The following FAM114A2 variants were observed in gnomAD, a reference collection of about 807,000 sequenced individuals.
The protein encoded by FAM114A2 is protein FAM114A2.
In FAM114A2, 53 loss-of-function variants were observed where a neutral mutation model predicts 58.4. That is an observed-to-expected ratio of 0.91 (90% confidence interval 0.73 to 1.14). The LOEUF (loss-of-function observed/expected upper bound fraction) is 1.14, where lower values mean the gene tolerates loss of function less well. FAM114A2 is among the 50% of genes most tolerant of loss of function. FAM114A2 has a pLI of 0.00. For missense variants in FAM114A2, 601 were observed against 581.1 expected, an observed-to-expected ratio of 1.03 and a Z score of -0.35; for synonymous variants, 228 against 211.4, an observed-to-expected ratio of 1.08 and a Z score of -0.68.
At chr5:154,020,703 A>G (rs1771356325) in intron 8 of FAM114A2, among the ~76,000 whole-genome samples, 1 of 152,210 alleles carries the variant, frequency 6.6e-6, no homozygotes, top group Admixed American at 6.5e-5. Context: ...TCACAGCCGA[A>G]TTCTAGCAAA....
intron 9 of FAM114A2, among the ~76,000 whole-genome samples, chr5:154,010,072 C>A (rs1032817839): frequency 1.6e-4 from 25 of 152,180 alleles, no homozygotes; most frequent in African/African-American, 6.0e-4. Context: ...CCTTAGCAGA[C>A]ACATACTGAA....
intron 5 of FAM114A2, among the ~76,000 whole-genome samples, chr5:154,029,052 T>C (rs577971706): frequency 2.2e-4 from 33 of 152,340 alleles, no homozygotes; most frequent in African/African-American, 7.2e-4. Flanking sequence ...AGCAAAGATA[T>C]TTAGCTTCCT....
Position 153,992,965 on chromosome 5 carries a change from G to A in FAM114A2, c.*11C>T, listed in dbSNP as rs1057772. On this transcript the variant is annotated 3_prime_UTR_variant, in exon 14 of 14. Coordinates refer to ENST00000351797, the MANE Select transcript of FAM114A2 (RefSeq NM_018691.4). ...GCCGTCACAAGTCCCAGGTCAAAAC[G>A]TCTCCATTCTTCAATGTTCTAACAA... 1,016,261 of 1,604,530 alleles carry A rather than the reference G, an allele frequency of 0.63. 325,225 individuals carry two copies. The highest frequency in any genetic ancestry group is 0.87 in the East Asian group (38,990 of 44,666).
At chr5:154,017,423 C>G (rs1376472345) in intron 8 of FAM114A2, among the ~76,000 whole-genome samples, 3 of 152,126 alleles carry the variant, frequency 2.0e-5, no homozygotes, top group Non-Finnish European at 2.9e-5. Flanking sequence ...GCCTGGGCAA[C>G]AAGAGCGAAA....
At chr5:153,994,141 A>C (rs1769413647) in intron 13 of FAM114A2, among the ~76,000 whole-genome samples, 1 of 152,228 alleles carries the variant, frequency 6.6e-6, no homozygotes, top group African/African-American at 2.4e-5. Flanking sequence ...AAAACTGTGT[A>C]ATTAAAGAAT....
intron 8 of FAM114A2, among the ~76,000 whole-genome samples, chr5:154,018,289 C>T (rs193293840): frequency 3.9e-5 from 6 of 152,052 alleles, no homozygotes; most frequent in African/African-American, 7.2e-5. Flanking sequence ...CACCTGTATG[C>T]GCATAAACTA....
intron 5 of FAM114A2, among the ~76,000 whole-genome samples, chr5:154,028,530 A>G (rs920507856): frequency 1.3e-5 from 2 of 152,204 alleles, no homozygotes; most frequent in Admixed American, 1.3e-4. Flanking sequence ...ACATCCTAAC[A>G]GAAATAAGTA....
intron 4 of FAM114A2, among the ~76,000 whole-genome samples, chr5:154,033,339 C>T (rs892160471): frequency 6.6e-6 from 1 of 152,156 alleles, no homozygotes; most frequent in Non-Finnish European, 1.5e-5. Flanking sequence ...TCTGTCTGAT[C>T]AAGGCTAGCC....
At chr5:154,034,439 C>A (rs1772409638) in intron 2 of FAM114A2, 62 bp from the exon 3 acceptor site, 1 of 955,908 alleles carries the variant, frequency 1.0e-6, no homozygotes, top group South Asian at 1.6e-5. Context: ...AGAGGAAAAT[C>A]AGAATGTACA....
In FAM114A2 at chr5:154,034,902, T is replaced by C. The variant is rs747435773; in HGVS notation, c.52A>G (p.Ile18Val). 6 of 1,614,036 alleles carry C rather than the reference T, an allele frequency of 3.7e-6. No individual in the cohort carries two copies. Among genetic ancestry groups the C allele is most frequent in the Non-Finnish European group, 5.1e-6 (6 of 1,179,920 alleles). The change falls in exon 2 of 14, where the codon ATC becomes GTC. Residue 18 changes from isoleucine (I) to valine (V), a missense_variant. Physicochemically the swap from Ile to Val is conservative, Grantham distance 29 (BLOSUM62 3). Coordinates refer to ENST00000351797, the MANE Select transcript of FAM114A2 (RefSeq NM_018691.4). ...GGCTCACAGTTTCCATCTTCAAGGA[T>C]GGGGGCTGCTTCAGTTAGCAGTGGA... ...ETPLLTEAAP[I>V]LEDGNCEPAK...
chr5:153,994,711 T>C (rs756238435), intron 13 of FAM114A2: 54 of 513,568 alleles, frequency 1.1e-4, no homozygotes, highest in Non-Finnish European at 1.8e-4. Context: ...CTACTGCTTC[T>C]TCCAGTACCC....
chr5:153,994,894 C>T (rs1769456647), intron 13 of FAM114A2, 25 bp downstream of exon 13: 1 of 1,500,432 alleles, frequency 6.7e-7, no homozygotes, highest in African/African-American at 1.4e-5. Context: ...CCTTTGGAGT[C>T]AGAGACTTAA....
chr5:153,992,920 G>C lies in FAM114A2; in HGVS notation c.*56C>G. ...TCCTTCATTTCTGCAGGAGTAGCCAGAATAAGGTGGCATTCCTTGGCCGTC... is the reference window on the plus strand; with the variant it reads ...TCCTTCATTTCTGCAGGAGTAGCCACAATAAGGTGGCATTCCTTGGCCGTC... On this transcript the variant is annotated 3_prime_UTR_variant, in exon 14 of 14. Transcript: ENST00000351797. The C allele has an allele frequency of 1.9e-6, 3 of 1,547,800 alleles. No homozygotes were observed. Among genetic ancestry groups the C allele is most frequent in the African/African-American group, 2.7e-5 (2 of 73,402 alleles).
chr5:154,017,682 T>C (rs1182580019), intron 8 of FAM114A2, among the ~76,000 whole-genome samples: 2 of 152,168 alleles, frequency 1.3e-5, no homozygotes, highest in Non-Finnish European at 2.9e-5. Context: ...AGACAGACCA[T>C]ATGATAGGCC....
At chr5:154,033,421 A>G (rs1044029263) in intron 4 of FAM114A2, among the ~76,000 whole-genome samples, 2 of 152,214 alleles carry the variant, frequency 1.3e-5, no homozygotes, top group African/African-American at 4.8e-5. Flanking sequence ...ATACATTAAA[A>G]TATTTTTATC....
chr5:153,996,554 T>C (rs1769567162), intron 12 of FAM114A2, among the ~76,000 whole-genome samples: 1 of 135,836 alleles, frequency 7.4e-6, no homozygotes, highest in Non-Finnish European at 1.5e-5. Flanking sequence ...GATAAGAAAC[T>C]TGTACTAGGA....
intron 8 of FAM114A2, among the ~76,000 whole-genome samples, chr5:154,016,695 T>C (rs1771060202): frequency 6.6e-6 from 1 of 151,268 alleles, no homozygotes; most frequent in African/African-American, 2.4e-5. Flanking sequence ...ATAAATCTCA[T>C]GACCTATAAA....
At position 154,034,977 on chromosome 5, in the gene FAM114A2, T is replaced by TAAAA; in HGVS notation, c.-14-11_-14-10insTTTT. 6.6e-7 allele frequency: 1 copy of TAAAA among 1,525,518 alleles called. No individual in the cohort carries two copies. The highest frequency in any genetic ancestry group is 8.8e-7 in the Non-Finnish European group (1 of 1,138,374). 94.5% of individuals were successfully genotyped at this position (1,525,518 alleles called of 1,614,324 possible). On this transcript the variant is annotated splice_polypyrimidine_tract_variant and intron_variant, in intron 1 of 13. Coordinates refer to ENST00000351797, the MANE Select transcript of FAM114A2 (RefSeq NM_018691.4). Reference sequence around the variant, plus strand: ...ATGATTAGAACATCAGCTGGTAAAATGAAAGCCCAAAAAAAATTTATATAG... The same window carrying TAAAA: ...ATGATTAGAACATCAGCTGGTAAAATAAAAGAAAGCCCAAAAAAAATTTATATAG...
At chr5:153,998,095 A>C (rs980700911) in intron 11 of FAM114A2, among the ~76,000 whole-genome samples, 3 of 152,198 alleles carry the variant, frequency 2.0e-5, no homozygotes, top group South Asian at 2.1e-4. Flanking sequence ...ATAAATAAAA[A>C]ATTCCAGAAA....
Sources: gnomAD v4.1 joint callset for allele counts (sites outside exome capture counted in the v4.1 genomes callset) on GRCh38, gnomAD v4.1.1 for gene constraint, MANE v1.5 for transcripts, NCBI Gene and HGNC (gene_info 2026-07-23, HGNC 2026-07-21) for gene names.